The following PTPRM variants were observed in gnomAD, a reference collection of about 807,000 sequenced individuals.
PTPRM encodes protein tyrosine phosphatase receptor type M.
A neutral mutation model predicts 186.7 loss-of-function variants in PTPRM; 47 were observed. The observed-to-expected ratio is 0.25, with a 90% CI of 0.20 to 0.32. The LOEUF is 0.32. Among genes scored for constraint, PTPRM ranks in the 10% least tolerant of loss-of-function variants. PTPRM has a pLI of 1.00. For synonymous variants in PTPRM, 668 were observed against 674.9 expected, an observed-to-expected ratio of 0.99 and a Z score of 0.16; for missense variants, 1,494 against 1,865.0, an observed-to-expected ratio of 0.80 and a Z score of 3.66.
chr18:7,875,648 C>T (rs1278410631), intron 2 of PTPRM, among the ~76,000 whole-genome samples: 1 of 152,108 alleles, frequency 6.6e-6, no homozygotes, highest in Non-Finnish European at 1.5e-5. Flanking sequence ...TTGCCAAAGA[C>T]CTGAACTTTA....
At chr18:8,336,626 G>A (rs569174457) in intron 22 of PTPRM, among the ~76,000 whole-genome samples, 309 of 85,932 alleles carry the variant, frequency 3.6e-3, no homozygotes, top group South Asian at 6.0e-3. Context: ...GGGGGAGGGA[G>A]AGGAGGAGGA....
Position 7,724,594 on chromosome 18 carries a change from C to G in PTPRM, c.74-49555C>G, listed in dbSNP as rs7233104. ...CTGAAAAGATTTTTTCAGAATCTAG[C>G]TGTGAACCTGTTATTATTGTTTTAA... is the stretch of plus-strand genomic sequence containing the variant. On this transcript the variant is annotated intron_variant, in intron 1 of 32. Coordinates refer to ENST00000580170, the MANE Select transcript of PTPRM (RefSeq NM_001105244.2). Among the ~76,000 whole-genome samples, 479 of 152,294 alleles carry G rather than the reference C, an allele frequency of 3.1e-3. 3 individuals are homozygous for G. The highest frequency in any genetic ancestry group is 0.011 in the African/African-American group (447 of 41,572).
At chr18:8,248,033 A>C in intron 16 of PTPRM, 114 bp downstream of exon 16, 1 of 1,354,216 alleles carries the variant, frequency 7.4e-7, no homozygotes, top group Non-Finnish European at 1.1e-6. Context: ...GAGATGTTGT[A>C]ACCCAATGCG....
At chr18:7,783,748 T>TTGTGTGTGTG (rs60314284) in intron 2 of PTPRM, among the ~76,000 whole-genome samples, 26 of 146,620 alleles carry the variant, frequency 1.8e-4, no homozygotes, top group Non-Finnish European at 2.8e-4. Context: ...ATTTTTAATT[T>TTGTGTGTGTG]TGTGTGTGTG....
chr18:7,801,043 T>G (rs1440056719), intron 2 of PTPRM, among the ~76,000 whole-genome samples: 1 of 152,104 alleles, frequency 6.6e-6, no homozygotes, highest in Non-Finnish European at 1.5e-5. Context: ...AATGGGAAGG[T>G]CTAGGACATT....
chr18:7,805,496 A>G (rs774836339), intron 2 of PTPRM, among the ~76,000 whole-genome samples: 3 of 152,220 alleles, frequency 2.0e-5, no homozygotes, highest in Non-Finnish European at 4.4e-5. Context: ...CTAAAACACT[A>G]TTAAAGCTTG....
intron 14 of PTPRM, among the ~76,000 whole-genome samples, chr18:8,233,237 G>A (rs2094308266): frequency 1.3e-5 from 2 of 152,334 alleles, no homozygotes. Flanking sequence ...ACTGTGCCTG[G>A]CCCAAACTGT....
intron 1 of PTPRM, among the ~76,000 whole-genome samples, chr18:7,585,293 TCTAAG>T (rs1362214076): frequency 2.0e-5 from 3 of 152,324 alleles, no homozygotes; most frequent in African/African-American, 7.2e-5. Flanking sequence ...CGGGATGTCT[TCTAAG>T]CAAGTGAGTT....
At chr18:7,600,380 T>C (rs754392957) in intron 1 of PTPRM, among the ~76,000 whole-genome samples, 7 of 152,238 alleles carry the variant, frequency 4.6e-5, no homozygotes, top group Non-Finnish European at 1.0e-4. Flanking sequence ...CAGCCAGAAA[T>C]CTGGAGGCAG....
intron 1 of PTPRM, among the ~76,000 whole-genome samples, chr18:7,606,144 C>T (rs1201586726): frequency 9.2e-5 from 14 of 151,906 alleles, no homozygotes; most frequent in East Asian, 7.7e-4. Flanking sequence ...GAAAGTCCTG[C>T]GGATCTAGTG....
intron 5 of PTPRM, among the ~76,000 whole-genome samples, chr18:7,941,336 T>C (rs977742908): frequency 6.6e-6 from 1 of 152,218 alleles, no homozygotes. Flanking sequence ...TCTCTCCAGA[T>C]ACTTCATTAA....
chr18:8,319,718 G>A (rs2095333858), intron 22 of PTPRM, among the ~76,000 whole-genome samples: 1 of 152,222 alleles, frequency 6.6e-6, no homozygotes, highest in African/African-American at 2.4e-5. Context: ...TTTGGAGCAG[G>A]AAGGGGTTGC....
intron 11 of PTPRM, among the ~76,000 whole-genome samples, chr18:8,111,703 G>C (rs1261082190): frequency 6.6e-6 from 1 of 152,112 alleles, no homozygotes; most frequent in Non-Finnish European, 1.5e-5. Context: ...ATCAGTCCTT[G>C]TAAGTTGAAT....
chr18:7,871,645 C>T (rs1012552452), intron 2 of PTPRM, among the ~76,000 whole-genome samples: 4 of 152,152 alleles, frequency 2.6e-5, no homozygotes, highest in Non-Finnish European at 2.9e-5. Context: ...ATGCCTCATC[C>T]TGGAGGACTC....
At chr18:7,675,788 G>A (rs934618614) in intron 1 of PTPRM, among the ~76,000 whole-genome samples, 2 of 151,072 alleles carry the variant, frequency 1.3e-5, no homozygotes, top group Non-Finnish European at 1.5e-5. Context: ...AGGCTAGAGT[G>A]CAATGGCATG....
At chr18:8,097,240 T>C (rs1324999115) in intron 11 of PTPRM, among the ~76,000 whole-genome samples, 1 of 152,190 alleles carries the variant, frequency 6.6e-6, no homozygotes, top group Non-Finnish European at 1.5e-5. Context: ...CATTGCAACT[T>C]AATTAAATTA....
Position 7,682,809 on chromosome 18 carries a change from C to G in PTPRM, c.74-91340C>G, listed in dbSNP as rs139045522. 7.4e-3 allele frequency among the ~76,000 whole-genome samples: 1,126 copies of G among 152,274 alleles called. 12 individuals are homozygous for G. Among genetic ancestry groups the G allele is most frequent in the African/African-American group, 0.026 (1,078 of 41,556 alleles). On this transcript the variant is annotated intron_variant, in intron 1 of 32. Transcript: ENST00000580170. Reference sequence around the variant, plus strand: ...TTTTATTTTAAATGGGGCTCAGATGCTGCCTCTTTCCTCTCTGTCTTGGGC... The same window carrying G: ...TTTTATTTTAAATGGGGCTCAGATGGTGCCTCTTTCCTCTCTGTCTTGGGC...
chr18:7,952,812 C>T (rs1318594902), intron 6 of PTPRM, among the ~76,000 whole-genome samples: 1 of 152,146 alleles, frequency 6.6e-6, no homozygotes, highest in Non-Finnish European at 1.5e-5. Flanking sequence ...TCGAGACCAG[C>T]CCGGCCAACA....
intron 11 of PTPRM, among the ~76,000 whole-genome samples, chr18:8,109,852 A>G (rs925357470): frequency 3.3e-5 from 5 of 152,204 alleles, no homozygotes; most frequent in Non-Finnish European, 7.3e-5. Context: ...GGGGGCACAT[A>G]GAGACACAGC....
Sources: gnomAD v4.1 joint callset for allele counts (sites outside exome capture counted in the v4.1 genomes callset) on GRCh38, gnomAD v4.1.1 for gene constraint, MANE v1.5 for transcripts, NCBI Gene and HGNC (gene_info 2026-07-23, HGNC 2026-07-21) for gene names.